Variants in RBFOX3 observed in about 807,000 individuals in gnomAD.
RBFOX3 encodes RNA binding fox-1 homolog 3.
In RBFOX3, 17 loss-of-function variants were observed where a neutral mutation model predicts 48.7. The ratio of observed to expected loss-of-function variants is 0.35; its 90% CI spans 0.24 to 0.52. The LOEUF is 0.52. RBFOX3 is among the 20% of genes least tolerant of loss of function. The pLI, the probability that RBFOX3 is intolerant of heterozygous loss-of-function variation, is 0.94. For missense variants in RBFOX3, 382 were observed against 497.5 expected (o/e 0.77, Z 2.21); for synonymous variants, 212 against 209.5 (o/e 1.01, Z -0.10).
intron 2 of RBFOX3, among the ~76,000 whole-genome samples, chr17:79,430,269 C>CAAAT (rs56370699): frequency 0.53 from 76,167 of 143,754 alleles, 20,340 homozygotes; most frequent in Middle Eastern, 0.66. Flanking sequence ...AAACATCTTC[C>CAAAT]AAATAAATAA....
intron 1 of RBFOX3, among the ~76,000 whole-genome samples, chr17:79,608,613 C>A (rs1207858063): frequency 6.6e-6 from 1 of 152,182 alleles, no homozygotes; most frequent in Non-Finnish European, 1.5e-5. Flanking sequence ...CAGGCTGTCT[C>A]GGCTTGGGTG....
chr17:79,484,858 C>G (rs2079328871), intron 1 of RBFOX3, among the ~76,000 whole-genome samples: 1 of 152,186 alleles, frequency 6.6e-6, no homozygotes, highest in African/African-American at 2.4e-5. Flanking sequence ...CCCCCACAGC[C>G]CCAGCTTCCA....
chr17:79,611,169 T>TCTCTCGCTCTCG, upstream of RBFOX3, among the ~76,000 whole-genome samples: 12 of 25,908 alleles, frequency 4.6e-4, no homozygotes, highest in Admixed American at 9.2e-4. Context: ...TCTCTCTCTC[T>TCTCTCGCTCTCG]CTCTCCGCCC....
intron 1 of RBFOX3, among the ~76,000 whole-genome samples, chr17:79,503,703 C>T (rs2082677109): frequency 6.6e-6 from 1 of 152,188 alleles, no homozygotes; most frequent in Non-Finnish European, 1.5e-5. Flanking sequence ...GGACATGGGG[C>T]CCCACTATGG....
chr17:79,412,348 GAT>G (rs1461746596), intron 2 of RBFOX3, among the ~76,000 whole-genome samples: 2 of 150,734 alleles, frequency 1.3e-5, no homozygotes, highest in South Asian at 2.1e-4. Context: ...CACATGTTGT[GAT>G]ATGTGTGGTG....
intron 4 of RBFOX3, among the ~76,000 whole-genome samples, chr17:79,203,163 A>G (rs577713655): frequency 1.3e-5 from 2 of 150,968 alleles, no homozygotes; most frequent in Non-Finnish European, 3.0e-5. Context: ...GGGGCCAGAC[A>G]TTGCTAAGGA....
chr17:79,590,077 TG>T (rs1305875267), intron 1 of RBFOX3, among the ~76,000 whole-genome samples: 2 of 152,002 alleles, frequency 1.3e-5, no homozygotes, highest in Non-Finnish European at 2.9e-5. Context: ...ATGCCCCATT[TG>T]GGGGTGCTTC....
intron 4 of RBFOX3, among the ~76,000 whole-genome samples, chr17:79,131,607 C>T (rs555788966): frequency 3.9e-5 from 6 of 152,368 alleles, no homozygotes; most frequent in Admixed American, 6.5e-5. Flanking sequence ...ATCATGTTTT[C>T]ATGCACGGGT....
chr17:79,201,642 C>T (rs1189508105), intron 4 of RBFOX3, among the ~76,000 whole-genome samples: 2 of 152,220 alleles, frequency 1.3e-5, no homozygotes, highest in Non-Finnish European at 2.9e-5. Flanking sequence ...ACGGAAAGTG[C>T]TTCTGACAGG....
intron 2 of RBFOX3, among the ~76,000 whole-genome samples, chr17:79,316,366 G>C (rs1325273576): frequency 6.6e-6 from 1 of 152,244 alleles, no homozygotes; most frequent in East Asian, 1.9e-4. Flanking sequence ...CAGGCCAGCA[G>C]GCTGTGGTCG....
intron 14 of RBFOX3, among the ~76,000 whole-genome samples, chr17:79,091,312 C>A (rs1265504169): frequency 2.0e-5 from 3 of 152,234 alleles, no homozygotes; most frequent in Non-Finnish European, 4.4e-5. Context: ...GGCCTTCCAG[C>A]CCCAGGAGCC....
chr17:79,626,539 CT>C, the RBFOX3 span, among the ~76,000 whole-genome samples: 1 of 152,230 alleles, frequency 6.6e-6, no homozygotes, highest in Non-Finnish European at 1.5e-5. Context: ...CTGCATTCTC[CT>C]TTTTTGTGCC....
chr17:79,415,080 C>A (rs1011223377), intron 2 of RBFOX3, among the ~76,000 whole-genome samples: 2 of 152,266 alleles, frequency 1.3e-5, no homozygotes, highest in Admixed American at 6.5e-5. Context: ...CACCAGGCTG[C>A]AATTTCATCA....
intron 3 of RBFOX3, among the ~76,000 whole-genome samples, chr17:79,289,014 C>T (rs2072656423): frequency 6.6e-6 from 1 of 152,072 alleles, no homozygotes; most frequent in Admixed American, 6.5e-5. Flanking sequence ...ATCTTGCATC[C>T]ATGGGGACAG....
intron 1 of RBFOX3, among the ~76,000 whole-genome samples, chr17:79,511,061 T>C (rs2084097924): frequency 6.6e-6 from 1 of 152,116 alleles, no homozygotes; most frequent in African/African-American, 2.4e-5. Flanking sequence ...AGGGCTGTGC[T>C]AACAGGGAAA....
rs1012286654 is a variant in RBFOX3, at chr17:79,559,261, T to A, written c.-320+51565A>T. 3.3e-5 allele frequency among the ~76,000 whole-genome samples: 5 copies of A among 152,272 alleles called. No homozygotes were observed. In the South Asian group the frequency reaches 1.0e-3, roughly 32 times the overall value. ...ACTAATTATTTATAGAATGGATGGATGGGTAGATGGCAAATGGTGGGTCAT... is the reference window on the plus strand; with the variant it reads ...ACTAATTATTTATAGAATGGATGGAAGGGTAGATGGCAAATGGTGGGTCAT... On this transcript the variant is annotated intron_variant, in intron 1 of 14. Coordinates refer to ENST00000693108, the MANE Select transcript of RBFOX3 (RefSeq NM_001350451.2).
chr17:79,090,578 C>T lies in RBFOX3; in HGVS notation c.*305G>A, dbSNP rs1489936904. Reference sequence around the variant, plus strand: ...CCCCCCACGGGTCCCACAAGGGAGGCCCCTTCCCCTCCAACTCCCCCACTG... The same window carrying T: ...CCCCCCACGGGTCCCACAAGGGAGGTCCCTTCCCCTCCAACTCCCCCACTG... On this transcript the variant is annotated 3_prime_UTR_variant, in exon 15 of 15. Coordinates refer to ENST00000693108, the MANE Select transcript of RBFOX3 (RefSeq NM_001350451.2). 6 of 414,526 alleles carry T rather than the reference C, an allele frequency of 1.4e-5. No homozygotes were observed. The highest frequency in any genetic ancestry group is 1.0e-4 in the African/African-American group (5 of 48,456). 25.7% of individuals were successfully genotyped at this position (414,526 alleles called of 1,614,324 possible).
intron 1 of RBFOX3, among the ~76,000 whole-genome samples, chr17:79,581,439 C>G (rs898996311): frequency 6.6e-6 from 1 of 152,196 alleles, no homozygotes; most frequent in Non-Finnish European, 1.5e-5. Flanking sequence ...CCCTGGACAC[C>G]AGAGCATCAG....
chr17:79,490,587 A>C (rs1732961134), intron 1 of RBFOX3, among the ~76,000 whole-genome samples: 2 of 152,146 alleles, frequency 1.3e-5, no homozygotes, highest in South Asian at 4.1e-4. Context: ...GGTTTCAAGC[A>C]ACTCATTTAG....
Sources: gnomAD v4.1 joint callset for allele counts (sites outside exome capture counted in the v4.1 genomes callset) on GRCh38, gnomAD v4.1.1 for gene constraint, MANE v1.5 for transcripts, NCBI Gene and HGNC (gene_info 2026-07-23, HGNC 2026-07-21) for gene names.